The following PABPC4L variants were observed in gnomAD, a reference collection of about 807,000 sequenced individuals.
PABPC4L encodes the protein poly(A) binding protein cytoplasmic 4 like, also known as polyadenylate-binding protein 4-like.
For missense variants in PABPC4L, 452 were observed against 451.4 expected (o/e 1.00, Z -0.01); for synonymous variants, 169 against 164.1 (o/e 1.03, Z -0.23).
the PABPC4L span, among the ~76,000 whole-genome samples, chr4:134,096,174 C>T: frequency 1.3e-5 from 2 of 151,480 alleles, no homozygotes; most frequent in Non-Finnish European, 2.9e-5. Flanking sequence ...TATTTTATTG[C>T]CATTCTGGGT....
At chr4:134,162,793 AT>A in the PABPC4L span, among the ~76,000 whole-genome samples, 1 of 152,112 alleles carries the variant, frequency 6.6e-6, no homozygotes, top group Non-Finnish European at 1.5e-5. Flanking sequence ...CAAGATAAAA[AT>A]TTAAAAATTT....
At chr4:134,177,292 T>C in the PABPC4L span, among the ~76,000 whole-genome samples, 3 of 151,470 alleles carry the variant, frequency 2.0e-5, no homozygotes, top group Non-Finnish European at 2.9e-5. Context: ...TTCTCCTGCT[T>C]TGGCCTCCCA....
downstream of PABPC4L, among the ~76,000 whole-genome samples, chr4:134,191,712 T>C (rs1438946532): frequency 6.6e-6 from 1 of 151,978 alleles, no homozygotes; most frequent in East Asian, 1.9e-4. Flanking sequence ...CACCAACATA[T>C]TGGTTGACCC....
the PABPC4L span, among the ~76,000 whole-genome samples, chr4:134,153,854 A>T: frequency 9.7e-6 from 1 of 102,866 alleles, no homozygotes; most frequent in South Asian, 2.9e-4. Context: ...ACAGGGTCTC[A>T]CTTTACAAAT....
the PABPC4L span, among the ~76,000 whole-genome samples, chr4:133,996,564 G>GACT: frequency 1.3e-5 from 2 of 152,158 alleles, no homozygotes; most frequent in African/African-American, 4.8e-5. Flanking sequence ...AGGCACCAAT[G>GACT]ACTTACTGAC....
At chr4:134,082,441 G>C in the PABPC4L span, among the ~76,000 whole-genome samples, 1 of 152,054 alleles carries the variant, frequency 6.6e-6, no homozygotes, top group South Asian at 2.1e-4. Context: ...GGGATAATTT[G>C]TTTGTATTCT....
the PABPC4L span, among the ~76,000 whole-genome samples, chr4:134,129,969 G>C: frequency 2.0e-5 from 3 of 151,584 alleles, no homozygotes; most frequent in African/African-American, 7.3e-5. Context: ...GGAGGCTGAG[G>C]CAGGAGAATC....
At chr4:134,123,989 A>G in the PABPC4L span, among the ~76,000 whole-genome samples, 1 of 152,082 alleles carries the variant, frequency 6.6e-6, no homozygotes, top group Non-Finnish European at 1.5e-5. Context: ...AAGTACTTAC[A>G]AGGTTTGACC....
chr4:133,995,666 G>T, the PABPC4L span, among the ~76,000 whole-genome samples: 1 of 152,110 alleles, frequency 6.6e-6, no homozygotes, highest in Non-Finnish European at 1.5e-5. Context: ...AAAGACACTT[G>T]TGCATAGGTT....
At chr4:134,013,374 C>T in the PABPC4L span, among the ~76,000 whole-genome samples, 1 of 151,980 alleles carries the variant, frequency 6.6e-6, no homozygotes, top group African/African-American at 2.4e-5. Context: ...TTCTCCGTGT[C>T]TCTACTCTCT....
At chr4:134,125,015 C>A in the PABPC4L span, among the ~76,000 whole-genome samples, 1 of 152,028 alleles carries the variant, frequency 6.6e-6, no homozygotes, top group Non-Finnish European at 1.5e-5. Flanking sequence ...CTGATCTGTG[C>A]ATATAGGGGA....
chr4:134,101,079 C>T, the PABPC4L span, among the ~76,000 whole-genome samples: 2 of 151,388 alleles, frequency 1.3e-5, no homozygotes, highest in Non-Finnish European at 3.0e-5. Context: ...CTATATTTTG[C>T]AACTCTAAAG....
chr4:134,125,310 T>C, the PABPC4L span, among the ~76,000 whole-genome samples: 1 of 151,792 alleles, frequency 6.6e-6, no homozygotes, highest in African/African-American at 2.4e-5. Flanking sequence ...AACATCCTCC[T>C]CTTTTTTTTT....
chr4:134,187,659 T>TTTA, the PABPC4L span, among the ~76,000 whole-genome samples: 1 of 152,048 alleles, frequency 6.6e-6, no homozygotes, highest in Non-Finnish European at 1.5e-5. Flanking sequence ...AATTGACTCC[T>TTTA]TTATTATTAT....
At chr4:134,073,116 A>T in the PABPC4L span, among the ~76,000 whole-genome samples, 1 of 152,152 alleles carries the variant, frequency 6.6e-6, no homozygotes, top group Non-Finnish European at 1.5e-5. Flanking sequence ...TCATTTTAGC[A>T]TTAACTTAAA....
chr4:134,151,115 T>A, the PABPC4L span, among the ~76,000 whole-genome samples: 6 of 152,026 alleles, frequency 3.9e-5, no homozygotes, highest in African/African-American at 1.4e-4. Flanking sequence ...TTCAAGATAG[T>A]GCTTATTTTG....
At chr4:134,079,532 T>C in the PABPC4L span, among the ~76,000 whole-genome samples, 1 of 142,376 alleles carries the variant, frequency 7.0e-6, no homozygotes, top group South Asian at 2.2e-4. Flanking sequence ...TGAGCTGAGA[T>C]TGTGACGCTG....
At chr4:134,103,078 G>T in the PABPC4L span, among the ~76,000 whole-genome samples, 1 of 151,476 alleles carries the variant, frequency 6.6e-6, no homozygotes, top group Admixed American at 6.6e-5. Context: ...GGGGCATTTG[G>T]CCAGGTGTGG....
At chr4:134,062,606 C>T in the PABPC4L span, among the ~76,000 whole-genome samples, 1 of 152,076 alleles carries the variant, frequency 6.6e-6, no homozygotes, top group African/African-American at 2.4e-5. Flanking sequence ...ATTCAAGAGA[C>T]TCCAATTTAT....
Sources: allele counts gnomAD v4.1 joint callset (sites outside exome capture counted in the v4.1 genomes callset), GRCh38; gene constraint gnomAD v4.1.1; transcripts MANE v1.5; gene names NCBI Gene and HGNC (gene_info 2026-07-23, HGNC 2026-07-21).